The following LRIT3 variants were observed in gnomAD, a reference collection of about 807,000 sequenced individuals.
LRIT3 encodes the protein leucine-rich repeat, immunoglobulin-like domain and transmembrane domain-containing protein 3.
Under a neutral mutation model 22.6 loss-of-function variants are expected in LRIT3, and 14 were observed. The ratio of observed to expected loss-of-function variants is 0.62; its 90% CI spans 0.41 to 0.97. The LOEUF is 0.97. LRIT3 is among the 50% of genes least tolerant of loss of function. LRIT3 has a pLI of 0.00. For missense variants in LRIT3, 783 were observed against 803.0 expected (o/e 0.98, Z 0.30); for synonymous variants, 306 against 304.5 (o/e 1.01, Z -0.05).
chr4:109,860,342 A>G (rs755092485), intron 2 of LRIT3, among the ~76,000 whole-genome samples: 2 of 152,176 alleles, frequency 1.3e-5, no homozygotes, highest in Non-Finnish European at 2.9e-5. Context: ...CTTTTCTAAA[A>G]TGGTGTTAAT....
At chr4:109,857,978 G>A (rs917285780) in intron 2 of LRIT3, among the ~76,000 whole-genome samples, 10 of 152,316 alleles carry the variant, frequency 6.6e-5, no homozygotes, top group African/African-American at 2.4e-4. Flanking sequence ...TGACCAGATG[G>A]TAGTGTGACC....
chr4:109,857,131 A>G (rs904741621), intron 2 of LRIT3, among the ~76,000 whole-genome samples: 2 of 152,138 alleles, frequency 1.3e-5, no homozygotes, highest in Non-Finnish European at 2.9e-5. Flanking sequence ...ACAGGTAATT[A>G]TGTTGGTTTT....
In LRIT3 at chr4:109,867,861, T is replaced by G; in HGVS notation, c.810T>G (p.Asn270Lys). ...AAATCATGTCTGCTCTGGGCAGTAA[T>G]GTTCTACTGCGGTGTGATGCCACTG... ...ATKIMSALGSNVLLRCDATGF... is the reference protein window; with the variant it reads ...ATKIMSALGSKVLLRCDATGF... Residue 270 changes from asparagine to lysine, a missense_variant, in exon 3 of 4, where the codon AAT (asparagine) becomes AAG (lysine). This residue lies in a region of LRIT3 where 756 missense variants were observed against 753.8 expected (regional missense o/e 1.00). Transcript: ENST00000594814. The G allele has an allele frequency of 2.5e-6, 4 of 1,614,126 alleles. No homozygotes were observed. Among genetic ancestry groups the G allele is most frequent in the Non-Finnish European group, 3.4e-6 (4 of 1,179,984 alleles).
At chr4:109,855,206 C>T (rs113967921) in intron 2 of LRIT3, among the ~76,000 whole-genome samples, 20 of 152,244 alleles carry the variant, frequency 1.3e-4, no homozygotes, top group African/African-American at 4.6e-4. Context: ...TAATTACTGC[C>T]TCAATTTCAG....
intron 2 of LRIT3, among the ~76,000 whole-genome samples, chr4:109,854,527 C>A (rs1734354375): frequency 6.6e-6 from 1 of 152,154 alleles, no homozygotes; most frequent in Non-Finnish European, 1.5e-5. Context: ...CAAACAGAGA[C>A]AATTTGACTT....
At chr4:109,855,846 G>A (rs910556950) in intron 2 of LRIT3, among the ~76,000 whole-genome samples, 3 of 152,110 alleles carry the variant, frequency 2.0e-5, no homozygotes, top group South Asian at 2.1e-4. Context: ...GTAGTTGAGT[G>A]GTTTTGAGTG....
chr4:109,865,358 C>G lies in LRIT3; in HGVS notation c.590-2283C>G. On this transcript the variant is annotated intron_variant, in intron 2 of 3. Transcript: ENST00000594814. ...CCTTCACATATCAGGTCAACTAATA[C>G]GTACAATAATGACTGAATATCTAAT... 3 of 1,500,866 alleles carry G rather than the reference C, an allele frequency of 2.0e-6. No individual in the cohort carries two copies. The South Asian group carries it at 3.5e-5, about 17-fold the overall frequency. 93.0% of individuals were successfully genotyped at this position (1,500,866 alleles called of 1,614,324 possible).
At chr4:109,850,417 TCCTTC>T (rs1227141196) in intron 1 of LRIT3, among the ~76,000 whole-genome samples, 1,412 of 20,236 alleles carry the variant, frequency 0.07, 317 homozygotes, top group African/African-American at 0.11. Context: ...CTTCCTTCCT[TCCTTC>T]CTTTCTTTCT....
chr4:109,859,234 C>T (rs539015918), intron 2 of LRIT3, among the ~76,000 whole-genome samples: 1 of 152,146 alleles, frequency 6.6e-6, no homozygotes, highest in East Asian at 1.9e-4. Context: ...ACTAGATATA[C>T]CAGCATTTAT....
chr4:109,851,341 G>A, intron 1 of LRIT3, 163 bp from the exon 2 acceptor site: 1 of 943,548 alleles, frequency 1.1e-6, no homozygotes, highest in Non-Finnish European at 1.5e-6. Context: ...TTAGACCTTG[G>A]TTAGATTTGA....
intron 2 of LRIT3, among the ~76,000 whole-genome samples, chr4:109,866,091 C>G (rs377565001): frequency 1.1e-4 from 17 of 152,102 alleles, no homozygotes; most frequent in East Asian, 7.7e-4. Context: ...TTTACCAATC[C>G]TGGCAGAAAA....
intron 2 of LRIT3, among the ~76,000 whole-genome samples, chr4:109,858,062 A>G (rs1359298351): frequency 6.6e-6 from 1 of 152,162 alleles, no homozygotes. Context: ...CTAAAACCTA[A>G]AGTGATATTG....
At chr4:109,862,792 C>A (rs529016978) in intron 2 of LRIT3, among the ~76,000 whole-genome samples, 21 of 152,238 alleles carry the variant, frequency 1.4e-4, no homozygotes, top group African/African-American at 4.8e-4. Flanking sequence ...CAGTTGATCC[C>A]CTCAACTCAG....
At chr4:109,855,438 T>G (rs1201322402) in intron 2 of LRIT3, among the ~76,000 whole-genome samples, 1 of 152,180 alleles carries the variant, frequency 6.6e-6, no homozygotes, top group Non-Finnish European at 1.5e-5. Context: ...CTTTTCTTCT[T>G]TATTAGTCTT....
rs1253354984 is a variant in LRIT3, at chr4:109,870,327, C to A, written c.1578C>A (p.Asp526Glu). 1 of 1,614,024 alleles carries A rather than the reference C, an allele frequency of 6.2e-7. No individual in the cohort carries two copies. Among genetic ancestry groups the A allele is most frequent in the Non-Finnish European group, 8.5e-7 (1 of 1,180,026 alleles). The change falls in exon 4 of 4, where the codon GAC becomes GAA. Residue 526 changes from aspartate to glutamate, a missense_variant. Transcript: ENST00000594814. ...TGTATTCCAAGTATGGTGGGAAGGA[C>A]CTGCTGCTGTTGAATGCAGACTCCA... ...TVLYSKYGGK[D>E]LLLLNADSSK... is the part of the protein sequence containing the mutation.
At chr4:109,850,414 C>CCT (rs1734199795) in intron 1 of LRIT3, among the ~76,000 whole-genome samples, 4 of 11,764 alleles carry the variant, frequency 3.4e-4, no homozygotes, top group African/African-American at 1.2e-3. Context: ...TTCCTTCCTT[C>CCT]CTTCCTTCCT....
intron 3 of LRIT3, 25 bp downstream of exon 3, chr4:109,867,971 A>G: frequency 1.3e-6 from 2 of 1,586,392 alleles, no homozygotes; most frequent in Non-Finnish European, 1.7e-6. Flanking sequence ...CAGCCCCATG[A>G]TCAAAGGAGT....
At chr4:109,859,298 A>C (rs185528191) in intron 2 of LRIT3, among the ~76,000 whole-genome samples, 2,003 of 152,126 alleles carry the variant, frequency 0.013, 40 homozygotes, top group African/African-American at 0.045. Flanking sequence ...GGGTCATTTG[A>C]TTGTGTGTGT....
chr4:109,849,155 T>C (rs757602234), intron 1 of LRIT3, among the ~76,000 whole-genome samples: 1 of 152,208 alleles, frequency 6.6e-6, no homozygotes, highest in Admixed American at 6.5e-5. Flanking sequence ...TTTAAACAAA[T>C]AAATAATAAT....
Sources: gnomAD v4.1 joint callset for allele counts (sites outside exome capture counted in the v4.1 genomes callset) on GRCh38, gnomAD v4.1.1 for gene constraint, gnomAD v4.1.1 regional missense constraint, MANE v1.5 for transcripts, NCBI Gene and HGNC (gene_info 2026-07-23, HGNC 2026-07-21) for gene names.